Variants in ZNF442 observed in about 807,000 individuals in gnomAD.
ZNF442 encodes the protein zinc finger protein 442.
In ZNF442, 45 loss-of-function variants were observed where a neutral mutation model predicts 57.0. The observed-to-expected ratio is 0.79, with a 90% CI of 0.62 to 1.01. ZNF442 has a LOEUF of 1.01. Ranked by LOEUF, ZNF442 falls within the 50% of genes least tolerant of loss-of-function variation. ZNF442 has a pLI of 0.00. For missense variants in ZNF442, 690 were observed against 756.5 expected (o/e 0.91, Z 1.03); for synonymous variants, 213 against 241.8 (o/e 0.88, Z 1.10).
At position 12,353,011 on chromosome 19, in the gene ZNF442, G is replaced by A. The variant is rs749213370; in HGVS notation, c.182C>T (p.Thr61Ile). Residue 61 changes from threonine (T) to isoleucine (I), a missense_variant, in exon 4 of 6, where the codon ACC becomes ATC. Coordinates refer to ENST00000242804, the MANE Select transcript of ZNF442 (RefSeq NM_030824.3). ...ACCTATACAGTCCAGGTTCCTAATG[G>A]TTTCCCACATCACATCTCTGTACAG... ...KSLYRDVMWE[T>I]IRNLDCIGMK... The A allele has an allele frequency of 8.7e-6, 14 of 1,610,680 alleles. No individual in the cohort carries two copies. Among genetic ancestry groups the A allele is most frequent in the Non-Finnish European group, 1.2e-5 (14 of 1,179,098 alleles).
Position 12,350,777 on chromosome 19 carries a change from A to C in ZNF442, c.808T>G (p.Cys270Gly). Residue 270 changes from cysteine (C) to glycine (G), a missense_variant, in exon 6 of 6, where the codon TGT (cysteine) becomes GGT (glycine). By Grantham distance (159) the Cys-to-Gly change is radical. Transcript: ENST00000242804. ...TGEKPYECKH[C>G]SKAFPDYSSY... ...CTGTAATCAGGGAAGGCTTTGGAAC[A>C]GTGCTTGCATTCATATGGTTTCTCC... The C allele has an allele frequency of 6.2e-7, 1 of 1,614,142 alleles. No homozygotes were observed. The highest frequency in any genetic ancestry group is 1.3e-5 in the African/African-American group (1 of 75,030).
At chr19:12,357,557 TGGCCA>T (rs1240703401) in intron 3 of ZNF442, among the ~76,000 whole-genome samples, 1 of 152,010 alleles carries the variant, frequency 6.6e-6, no homozygotes, top group African/African-American at 2.4e-5. Flanking sequence ...TTCGCCATGT[TGGCCA>T]GGCTGGTCTC....
rs778375322 is a variant in ZNF442 at position 12,349,970 on chromosome 19, T to A, written c.1615A>T (p.Thr539Ser). The change falls in exon 6 of 6, where the codon ACT becomes TCT. Residue 539 changes from threonine (T) to serine (S), a missense_variant. By Grantham distance (58) the Thr-to-Ser change is moderately conservative. Coordinates refer to ENST00000242804, the MANE Select transcript of ZNF442 (RefSeq NM_030824.3). The part of the protein sequence containing the change: ...GNLKVHERIH[T>S]GEKPYECKEC... Reference sequence around the variant, plus strand: ...TTACATTCATATGGCTTCTCTCCAGTGTGAATCCTTTCATGGACTTTTAAG... The same window carrying A: ...TTACATTCATATGGCTTCTCTCCAGAGTGAATCCTTTCATGGACTTTTAAG... 29 of 1,614,112 alleles carry A rather than the reference T, an allele frequency of 1.8e-5. No homozygotes were observed. The South Asian group carries it at 3.1e-4, about 17-fold the overall frequency.
rs186886631 is a variant in ZNF442, at chr19:12,349,126, G to C, written c.*575C>G. The stretch of plus-strand genomic sequence containing the variant: ...TAAGACAGGAGAATTGCTTGAACCC[G>C]GGAGGCAGAGGATGCAGTGAGCTGA... On this transcript the variant is annotated 3_prime_UTR_variant, in exon 6 of 6. Coordinates refer to ENST00000242804, the MANE Select transcript of ZNF442 (RefSeq NM_030824.3). 6.6e-6 allele frequency: 1 copy of C among 150,764 alleles called. No individual in the cohort carries two copies. Among genetic ancestry groups the C allele is most frequent in the Non-Finnish European group, 1.5e-5 (1 of 67,828 alleles). The allele number at this position is 150,764 out of a possible 1,614,324, so 9.3% of individuals were successfully genotyped here. A position where few individuals can be genotyped will look rare whatever the true frequency, so the allele number is the denominator to read the frequency against.
At chr19:12,372,085 A>G in the ZNF442 span, among the ~76,000 whole-genome samples, 4 of 152,254 alleles carry the variant, frequency 2.6e-5, no homozygotes, top group Admixed American at 2.6e-4. Flanking sequence ...TAAGAAACAA[A>G]GAAATTTACA....
the ZNF442 span, among the ~76,000 whole-genome samples, chr19:12,372,388 G>A: frequency 3.9e-5 from 6 of 152,036 alleles, no homozygotes; most frequent in Non-Finnish European, 5.9e-5. Context: ...GAACCTAGGA[G>A]GTGGAGGTTG....
chr19:12,368,952 G>C (rs1352260422), upstream of ZNF442, among the ~76,000 whole-genome samples: 1 of 152,044 alleles, frequency 6.6e-6, no homozygotes, highest in Non-Finnish European at 1.5e-5. Flanking sequence ...TCTCCTTCAA[G>C]ACTTTAAATA....
the ZNF442 span, among the ~76,000 whole-genome samples, chr19:12,372,905 A>C: frequency 1.3e-5 from 2 of 152,066 alleles, no homozygotes; most frequent in Non-Finnish European, 1.5e-5. Context: ...TCCTGAGTAG[A>C]TGGGACTATA....
intron 3 of ZNF442, among the ~76,000 whole-genome samples, chr19:12,358,229 C>T (rs1232835159): frequency 6.6e-6 from 1 of 152,168 alleles, no homozygotes; most frequent in Non-Finnish European, 1.5e-5. Flanking sequence ...TCCCAAAGTG[C>T]TGGGATTACA....
chr19:12,356,292 C>T (rs1181926632), intron 3 of ZNF442, among the ~76,000 whole-genome samples: 1 of 151,934 alleles, frequency 6.6e-6, no homozygotes, highest in African/African-American at 2.4e-5. Context: ...TACTAGCAAT[C>T]CTTCCATGTG....
chr19:12,355,046 C>G (rs1969303464), intron 3 of ZNF442, among the ~76,000 whole-genome samples: 1 of 151,992 alleles, frequency 6.6e-6, no homozygotes, highest in Non-Finnish European at 1.5e-5. Flanking sequence ...AATCCTAGCA[C>G]TTTGGAAGGT....
At chr19:12,371,147 A>G in the ZNF442 span, among the ~76,000 whole-genome samples, 1 of 152,234 alleles carries the variant, frequency 6.6e-6, no homozygotes, top group African/African-American at 2.4e-5. Context: ...GAAGCCAAAC[A>G]TCAAGTGTAA....
chr19:12,358,499 A>G (rs1969372629), intron 3 of ZNF442, among the ~76,000 whole-genome samples: 1 of 152,210 alleles, frequency 6.6e-6, no homozygotes, highest in South Asian at 2.1e-4. Flanking sequence ...TATGCAGATA[A>G]GTGCAGGTAT....
At position 12,353,270 on chromosome 19, in the gene ZNF442, A is replaced by G. The variant is rs3745654; in HGVS notation, c.79-156T>C. On this transcript the variant is annotated intron_variant, in intron 3 of 5. Transcript: ENST00000242804. ...TCTCTGTCTACAATCACTTTCTCCA[A>G]CACAGCAATTCTGATGCTAGAATTG... Among the ~76,000 whole-genome samples, 4 of 152,358 alleles carry G rather than the reference A, an allele frequency of 2.6e-5. No individual in the cohort carries two copies. In the East Asian group the frequency reaches 5.8e-4, roughly 22 times the overall value.
At chr19:12,362,882 T>TG (rs202169694) in intron 3 of ZNF442, among the ~76,000 whole-genome samples, 5,412 of 145,670 alleles carry the variant, frequency 0.037, 329 homozygotes, top group African/African-American at 0.13. Context: ...TCTTCTGCCT[T>TG]GGGAAAAAAA....
In ZNF442 at chr19:12,365,593, A is replaced by G; in HGVS notation, c.-543T>C. 2.8e-6 allele frequency: 1 copy of G among 356,308 alleles called. No individual in the cohort carries two copies. Among genetic ancestry groups the G allele is most frequent in the Non-Finnish European group, 5.4e-6 (1 of 186,228 alleles). 22.1% of individuals were successfully genotyped at this position (356,308 alleles called of 1,614,324 possible). A position where few individuals can be genotyped will look rare whatever the true frequency, so the allele number is the denominator to read the frequency against. On this transcript the variant is annotated 5_prime_UTR_variant, in exon 1 of 6. Transcript: ENST00000242804. ...CAAGGTTCCCCGCTGCCAGCATAGG[A>G]CTCAGCGTGACAGTGCCTGCCACTG...
At position 12,350,872 on chromosome 19, in the gene ZNF442, T is replaced by C. The variant is rs768987834; in HGVS notation, c.713A>G (p.Glu238Gly). 6.2e-7 allele frequency: 1 copy of C among 1,614,164 alleles called. No homozygotes were observed. Among genetic ancestry groups the C allele is most frequent in the Non-Finnish European group, 8.5e-7 (1 of 1,180,016 alleles). The change falls in exon 6 of 6, where the codon GAA becomes GGA. Residue 238 changes from glutamate to glycine, a missense_variant. By Grantham distance (98) the Glu-to-Gly change is moderately conservative. Coordinates refer to ENST00000242804, the MANE Select transcript of ZNF442 (RefSeq NM_030824.3). ...ERTHTGEKPY[E>G]CKQCCKAFPI... ...GAAGGCTTTACAACACTGCTTACAT[T>C]CATACGGTTTCTCTCCAGTGTGAGT... is the stretch of plus-strand genomic sequence containing the variant.
intron 3 of ZNF442, among the ~76,000 whole-genome samples, chr19:12,355,199 G>C (rs1394982748): frequency 6.7e-6 from 1 of 148,718 alleles, no homozygotes; most frequent in Non-Finnish European, 1.5e-5. Flanking sequence ...GCTGAGGCAG[G>C]AGAATGGCGT....
chr19:12,362,970 C>T (rs1252655842), intron 3 of ZNF442, among the ~76,000 whole-genome samples: 3 of 150,724 alleles, frequency 2.0e-5, no homozygotes, highest in South Asian at 2.1e-4. Context: ...AGTGAAACCC[C>T]GTCTCTACTA....
Sources: allele counts gnomAD v4.1 joint callset (sites outside exome capture counted in the v4.1 genomes callset), GRCh38; gene constraint gnomAD v4.1.1; transcripts MANE v1.5; gene names NCBI Gene and HGNC (gene_info 2026-07-23, HGNC 2026-07-21).